LEFTY1: variants seen among roughly 807,000 people sequenced by gnomAD.
LEFTY1 encodes left-right determination factor B.
In LEFTY1, 18 loss-of-function variants were observed where a neutral mutation model predicts 22.6. That is an observed-to-expected ratio of 0.80 (90% confidence interval 0.55 to 1.18). The LOEUF is 1.18. LEFTY1 is among the 50% of genes most tolerant of loss of function. The pLI is 0.00. For missense variants in LEFTY1, 414 were observed against 495.4 expected (o/e 0.84, Z 1.56); for synonymous variants, 201 against 231.5 (o/e 0.87, Z 1.20).
At position 225,888,844 on chromosome 1, in the gene LEFTY1, C is replaced by G; in HGVS notation, c.223G>C (p.Gly75Arg). 2.5e-6 allele frequency: 4 copies of G among 1,613,238 alleles called. No homozygotes were observed. The highest frequency in any genetic ancestry group is 2.2e-5 in the East Asian group (1 of 44,848). The change falls in exon 1 of 4, where the codon GGA becomes CGA. Residue 75 changes from glycine to arginine, a missense_variant. By Grantham distance (125) the Gly-to-Arg change is moderately radical. Transcript: ENST00000272134. The part of the protein sequence containing the change: ...LQRSHGDRSR[G>R]KRFSQSFREV... ...CGGAAGCTCTGGCTGAACCTCTTTC[C>G]GCGGGAGCGGTCCCCGTGGCTGCGC... is the stretch of plus-strand genomic sequence containing the variant.
chr1:225,887,279 G>A, intron 3 of LEFTY1, 120 bp downstream of exon 3: 3 of 1,537,592 alleles, frequency 2.0e-6, no homozygotes, highest in East Asian at 2.3e-5. Flanking sequence ...AGAGTCAGAG[G>A]AAGAATTGTA....
In LEFTY1 at chr1:225,887,338, AAAAT is replaced by A. The variant is rs1219438401; in HGVS notation, c.737+57_737+60del. On this transcript the variant is annotated intron_variant, in intron 3 of 3. Coordinates refer to ENST00000272134, the MANE Select transcript of LEFTY1 (RefSeq NM_020997.4). ...AGCACTCTGAAAAGTTGTCCATTTCAAAATAAATGTAATTGCCTGTCTCTTTATT... is the reference window on the plus strand; with the variant it reads ...AGCACTCTGAAAAGTTGTCCATTTCAAAATGTAATTGCCTGTCTCTTTATT... 4 of 1,603,020 alleles carry A rather than the reference AAAAT, an allele frequency of 2.5e-6. No homozygotes were observed. The African/African-American group carries it at 5.4e-5, about 22-fold the overall frequency.
rs1250168656 is a variant in LEFTY1 at position 225,888,864 on chromosome 1, C to T, written c.203G>A (p.Ser68Asn). The change falls in exon 1 of 4, where the codon AGC (serine) becomes AAC (asparagine). Residue 68 changes from serine to asparagine, a missense_variant. Ser to Asn is a conservative substitution (Grantham distance 46). This residue lies in a region of LEFTY1 where 398 missense variants were observed against 454.7 expected (regional missense o/e 0.88). Transcript: ENST00000272134. Reference sequence around the variant, plus strand: ...CTTTCCGCGGGAGCGGTCCCCGTGGCTGCGCTGCAGCAGGGCCACGTACTG... The same window carrying T: ...CTTTCCGCGGGAGCGGTCCCCGTGGTTGCGCTGCAGCAGGGCCACGTACTG... ...RAQYVALLQR[S>N]HGDRSRGKRF... The T allele has an allele frequency of 1.2e-6, 2 of 1,613,160 alleles. No homozygotes were observed. Among genetic ancestry groups the T allele is most frequent in the African/African-American group, 2.7e-5 (2 of 74,932 alleles).
In LEFTY1 at chr1:225,888,076, G is replaced by C. The variant is rs1455813061; in HGVS notation, c.251-44C>G. The C allele has an allele frequency of 1.9e-5, 30 of 1,587,164 alleles. 1 individual carries two copies. The highest frequency in any genetic ancestry group is 5.5e-5 in the African/African-American group (4 of 73,016). On this transcript the variant is annotated intron_variant, in intron 1 of 3. Transcript: ENST00000272134. ...TCAGCAGGGCCTCCCCCGACTCCAG[G>C]GGAGCTCTGAGGATGGCAGGGCCAC...
chr1:225,887,769 GC>G lies in LEFTY1; in HGVS notation c.497+16del. ...GCAGCGCCCTCCCCCTACCCTGCGCGCCCCCGCGACCCCCACCTGGAGTCGA... is the reference window on the plus strand; with the variant it reads ...GCAGCGCCCTCCCCCTACCCTGCGCGCCCCGCGACCCCCACCTGGAGTCGA... On this transcript the variant is annotated intron_variant, in intron 2 of 3. Coordinates refer to ENST00000272134, the MANE Select transcript of LEFTY1 (RefSeq NM_020997.4). 4 of 1,546,154 alleles carry G rather than the reference GC, an allele frequency of 2.6e-6. No individual in the cohort carries two copies. The highest frequency in any genetic ancestry group is 8.7e-7 in the Non-Finnish European group (1 of 1,148,864).
chr1:225,888,661 C>G (rs1388161723), intron 1 of LEFTY1, among the ~76,000 whole-genome samples, 156 bp downstream of exon 1: 1 of 152,216 alleles, frequency 6.6e-6, no homozygotes, highest in African/African-American at 2.4e-5. Context: ...CCCCGCCATC[C>G]TCACAGGCCC....
rs758347428 is a variant in LEFTY1, at chr1:225,887,555, C to G, written c.581G>C (p.Arg194Pro). 2 of 1,610,890 alleles carry G rather than the reference C, an allele frequency of 1.2e-6. No homozygotes were observed. Among genetic ancestry groups the G allele is most frequent in the African/African-American group, 1.3e-5 (1 of 74,908 alleles). ...CGACACCTGTAGCAGCAGCGGCTGCCGGGGCCGGCTCAGCTGCTGCCAGAA... is the reference window on the plus strand; with the variant it reads ...CGACACCTGTAGCAGCAGCGGCTGCGGGGGCCGGCTCAGCTGCTGCCAGAA... Reference protein sequence around the residue: ...VNFWQQLSRPRQPLLLQVSVQ... With the variant: ...VNFWQQLSRPPQPLLLQVSVQ... The change falls in exon 3 of 4, where the codon CGG becomes CCG. Residue 194 changes from arginine (R) to proline (P), a missense_variant. Transcript: ENST00000272134.
At position 225,889,123 on chromosome 1, in the gene LEFTY1, G is replaced by T; in HGVS notation, c.-57C>A. On this transcript the variant is annotated 5_prime_UTR_variant, in exon 1 of 4. In the 5' UTR this introduces an upstream ATG that the reference lacks. Transcript: ENST00000272134. ...GGGGCTGTCCCTTGAGAAGGCTGCA[G>T]GAGGGTCTCAGGCAGCTGGATGTGC... 1.4e-6 allele frequency: 2 copies of T among 1,427,242 alleles called. No individual in the cohort carries two copies. The highest frequency in any genetic ancestry group is 1.8e-6 in the Non-Finnish European group (2 of 1,094,038). 88.4% of individuals were successfully genotyped at this position (1,427,242 alleles called of 1,614,324 possible).
At position 225,886,669 on chromosome 1, in the gene LEFTY1, C is replaced by A; in HGVS notation, c.*58G>T. 6.2e-7 allele frequency: 1 copy of A among 1,609,060 alleles called. No individual in the cohort carries two copies. Among genetic ancestry groups the A allele is most frequent in the African/African-American group, 1.3e-5 (1 of 74,984 alleles). On this transcript the variant is annotated 3_prime_UTR_variant, in exon 4 of 4. Coordinates refer to ENST00000272134, the MANE Select transcript of LEFTY1 (RefSeq NM_020997.4). ...TCAGTCATCGCCAGCTCTCCTGGTA[C>A]CCTCGAACACTTCAGAAACACACAC...
chr1:225,889,120 G>A lies in LEFTY1; in HGVS notation c.-54C>T. 4.2e-6 allele frequency: 6 copies of A among 1,428,578 alleles called. No homozygotes were observed. The highest frequency in any genetic ancestry group is 5.5e-6 in the Non-Finnish European group (6 of 1,094,838). 88.5% of individuals were successfully genotyped at this position (1,428,578 alleles called of 1,614,324 possible). ...AGTGGGGCTGTCCCTTGAGAAGGCT[G>A]CAGGAGGGTCTCAGGCAGCTGGATG... On this transcript the variant is annotated 5_prime_UTR_variant, in exon 1 of 4. Coordinates refer to ENST00000272134, the MANE Select transcript of LEFTY1 (RefSeq NM_020997.4).
At chr1:225,888,730 C>A in intron 1 of LEFTY1, 87 bp downstream of exon 1, 1 of 1,565,030 alleles carries the variant, frequency 6.4e-7, no homozygotes, top group Non-Finnish European at 8.7e-7. Flanking sequence ...CAGACCTCTG[C>A]AAGGCCAGGA....
At position 225,887,988 on chromosome 1, in the gene LEFTY1, G is replaced by A. The variant is rs1671322553; in HGVS notation, c.295C>T (p.Leu99=). ...FLALEASTHL[L]VFGMEQRLPP... ...AGCCGCTGCTCCATGCCGAACACCA[G>A]CAGGTGTGTGCTGGCCTCCAACGCC... The change falls in exon 2 of 4, where the codon CTG becomes TTG. Residue 99 remains leucine, a synonymous_variant. Transcript: ENST00000272134. 1 of 1,590,460 alleles carries A rather than the reference G, an allele frequency of 6.3e-7. No individual in the cohort carries two copies. The highest frequency in any genetic ancestry group is 1.1e-5 in the South Asian group (1 of 90,148).
intron 2 of LEFTY1, 23 bp from the exon 3 acceptor site, chr1:225,887,661 A>T: frequency 1.2e-6 from 2 of 1,612,038 alleles, no homozygotes; most frequent in South Asian, 1.1e-5. Context: ...ACAGAGACCC[A>T]GCGCCGCTTG....
rs1671316409 is a variant in LEFTY1, at chr1:225,887,770, C to T, written c.497+16G>A. 2 of 1,549,192 alleles carry T rather than the reference C, an allele frequency of 1.3e-6. No homozygotes were observed. The highest frequency in any genetic ancestry group is 2.4e-5 in the South Asian group (2 of 85,076). ...CAGCGCCCTCCCCCTACCCTGCGCG[C>T]CCCCGCGACCCCCACCTGGAGTCGA... On this transcript the variant is annotated intron_variant, in intron 2 of 3. Coordinates refer to ENST00000272134, the MANE Select transcript of LEFTY1 (RefSeq NM_020997.4).
intron 2 of LEFTY1, 72 bp from the exon 3 acceptor site, chr1:225,887,710 G>A (rs1559059894): frequency 9.5e-6 from 15 of 1,578,500 alleles, no homozygotes; most frequent in Non-Finnish European, 1.3e-5. Flanking sequence ...ACCCCGCACC[G>A]CCCCCCCGCG....
chr1:225,888,731 A>G, intron 1 of LEFTY1, 86 bp downstream of exon 1: 1 of 1,569,282 alleles, frequency 6.4e-7, no homozygotes, highest in South Asian at 1.2e-5. Context: ...AGACCTCTGC[A>G]AGGCCAGGAG....
At chr1:225,887,756 C>T (rs1323066983) in intron 2 of LEFTY1, 30 bp downstream of exon 2, 2 of 1,554,134 alleles carry the variant, frequency 1.3e-6, no homozygotes, top group Non-Finnish European at 1.7e-6. Flanking sequence ...AGCGCCCTCC[C>T]CCTACCCTGC....
chr1:225,886,653 G>A lies in LEFTY1; in HGVS notation c.*74C>T, dbSNP rs535363908. ...TTTGTCCATCAGCAGTTCAGTCATC[G>A]CCAGCTCTCCTGGTACCCTCGAACA... On this transcript the variant is annotated 3_prime_UTR_variant, in exon 4 of 4. Transcript: ENST00000272134. 36 of 1,599,214 alleles carry A rather than the reference G, an allele frequency of 2.3e-5. No individual in the cohort carries two copies. The South Asian group carries it at 3.2e-4, about 14-fold the overall frequency.
chr1:225,887,978 C>G lies in LEFTY1; in HGVS notation c.305G>C (p.Gly102Ala). Reference protein sequence around the residue: ...LEASTHLLVFGMEQRLPPNSE... With the variant: ...LEASTHLLVFAMEQRLPPNSE... ...GTTGGGCGGCAGCCGCTGCTCCATG[C>G]CGAACACCAGCAGGTGTGTGCTGGC... Residue 102 changes from glycine to alanine, a missense_variant, in exon 2 of 4, where the codon GGC becomes GCC. This residue lies in a region of LEFTY1 where 398 missense variants were observed against 454.7 expected (regional missense o/e 0.88). Transcript: ENST00000272134. 1.9e-6 allele frequency: 3 copies of G among 1,589,020 alleles called. No individual in the cohort carries two copies. Among genetic ancestry groups the G allele is most frequent in the Non-Finnish European group, 2.5e-6 (3 of 1,177,690 alleles).
Sources: allele counts gnomAD v4.1 joint callset (sites outside exome capture counted in the v4.1 genomes callset), GRCh38; gene constraint gnomAD v4.1.1; regional missense constraint gnomAD v4.1.1; transcripts MANE v1.5; gene names NCBI Gene and HGNC (gene_info 2026-07-23, HGNC 2026-07-21).